The following ARHGAP15 variants were observed in gnomAD, a reference collection of about 807,000 sequenced individuals.
The protein encoded by ARHGAP15 is Rho GTPase activating protein 15, also known as rho GTPase-activating protein 15.
In ARHGAP15, 51 loss-of-function variants were observed where a neutral mutation model predicts 63.7. The observed-to-expected ratio is 0.80, with a 90% CI of 0.64 to 1.01. The LOEUF is 1.01. Among genes scored for constraint, ARHGAP15 ranks in the 50% least tolerant of loss-of-function variants. ARHGAP15 has a pLI of 0.00. For synonymous variants in ARHGAP15, 191 were observed against 193.8 expected (o/e 0.99, Z 0.12); for missense variants, 560 against 564.6 (o/e 0.99, Z 0.08).
chr2:143,705,164 T>C (rs918499178), intron 13 of ARHGAP15, among the ~76,000 whole-genome samples: 1 of 152,208 alleles, frequency 6.6e-6, no homozygotes, highest in Admixed American at 6.6e-5. Context: ...AGTCCATAAC[T>C]TGCTAAACCA....
chr2:143,612,823 C>T lies in ARHGAP15; in HGVS notation c.1004-11310C>T, dbSNP rs1193962309. ...ACAAGTTCCTTGATCTCTGGAGCTG[C>T]TTTTCCATCAGTAAAGTTGAACTAA... On this transcript the variant is annotated intron_variant, in intron 11 of 13. Transcript: ENST00000295095. Among the ~76,000 whole-genome samples, 3 of 152,218 alleles carry T rather than the reference C, an allele frequency of 2.0e-5. No homozygotes were observed. In the East Asian group the frequency reaches 5.8e-4, roughly 29 times the overall value.
intron 11 of ARHGAP15, among the ~76,000 whole-genome samples, chr2:143,605,749 C>T (rs1043499526): frequency 1.3e-5 from 2 of 151,136 alleles, no homozygotes; most frequent in Non-Finnish European, 2.9e-5. Flanking sequence ...CATGGTGGCT[C>T]ATGCCTGTAA....
intron 9 of ARHGAP15, among the ~76,000 whole-genome samples, chr2:143,489,623 A>T (rs1379370085): frequency 2.0e-5 from 3 of 152,052 alleles, no homozygotes; most frequent in South Asian, 4.1e-4. Context: ...ACTTTAATCC[A>T]TTTTTTTCTT....
chr2:143,708,300 A>G (rs1481665549), intron 13 of ARHGAP15, among the ~76,000 whole-genome samples: 13 of 152,224 alleles, frequency 8.5e-5, no homozygotes, highest in Admixed American at 8.5e-4. Flanking sequence ...ATTATATTAC[A>G]TGTATTATTA....
intron 13 of ARHGAP15, among the ~76,000 whole-genome samples, chr2:143,714,285 C>T (rs1684712402): frequency 6.6e-6 from 1 of 152,212 alleles, no homozygotes; most frequent in Non-Finnish European, 1.5e-5. Flanking sequence ...TCTACGTTGG[C>T]CCCTTTCAGC....
At chr2:143,462,632 T>C (rs575342960) in intron 8 of ARHGAP15, among the ~76,000 whole-genome samples, 21 of 152,320 alleles carry the variant, frequency 1.4e-4, no homozygotes, top group South Asian at 8.3e-4. Flanking sequence ...ATCAAAGCCA[T>C]GTGCATTGAG....
rs369122605 is a variant in ARHGAP15, at chr2:143,252,808, C to T, written c.474+2208C>T. Reference sequence around the variant, plus strand: ...TTCTATAGTTCTGTTAACAAAAAAGCGTCGGGAAGGATTTGCCAGAGAGCT... The same window carrying T: ...TTCTATAGTTCTGTTAACAAAAAAGTGTCGGGAAGGATTTGCCAGAGAGCT... On this transcript the variant is annotated intron_variant, in intron 6 of 13. Transcript: ENST00000295095. 1.2e-4 allele frequency among the ~76,000 whole-genome samples: 18 copies of T among 152,062 alleles called. 1 individual carries two copies. The South Asian group carries it at 3.1e-3, about 26-fold the overall frequency.
At position 143,562,111 on chromosome 2, in the gene ARHGAP15, TA is replaced by T. The variant is rs1235166530; in HGVS notation, c.1003+5631del. On this transcript the variant is annotated intron_variant, in intron 11 of 13. Transcript: ENST00000295095. ...TAAACATGCTAAGAATAAGCTCCAT[TA>T]AAAACAAACTATTAGAAAAACAATT... 5.8e-4 allele frequency among the ~76,000 whole-genome samples: 89 copies of T among 152,332 alleles called. 1 individual carries two copies. The highest frequency in any genetic ancestry group is 1.3e-4 in the Non-Finnish European group (9 of 68,024).
At chr2:143,598,287 G>A (rs573945110) in intron 11 of ARHGAP15, among the ~76,000 whole-genome samples, 1 of 152,256 alleles carries the variant, frequency 6.6e-6, no homozygotes, top group South Asian at 2.1e-4. Context: ...TAAAATAAAA[G>A]TCTAGATACG....
At chr2:143,668,401 G>T (rs536542476) in intron 12 of ARHGAP15, among the ~76,000 whole-genome samples, 22 of 151,984 alleles carry the variant, frequency 1.4e-4, no homozygotes, top group Non-Finnish European at 2.1e-4. Context: ...TCTCCCTGGT[G>T]CAAGCTCTGT....
chr2:143,268,892 G>T (rs1574185018), intron 6 of ARHGAP15, among the ~76,000 whole-genome samples: 1 of 152,014 alleles, frequency 6.6e-6, no homozygotes, highest in African/African-American at 2.4e-5. Flanking sequence ...AGAAAACTAT[G>T]CAGTACAATG....
chr2:143,717,840 T>C lies in ARHGAP15; in HGVS notation c.1244+14316T>C, dbSNP rs142119618. Among the ~76,000 whole-genome samples, 819 of 151,494 alleles carry C rather than the reference T, an allele frequency of 5.4e-3. 3 individuals are homozygous for C. Among genetic ancestry groups the C allele is most frequent in the Non-Finnish European group, 7.7e-3 (523 of 67,942 alleles). ...ATAGCACCCGCTCCAGGAAACTGCATTTCTTAAAGTGGCTTTTTTTTTTTT... is the reference window on the plus strand; with the variant it reads ...ATAGCACCCGCTCCAGGAAACTGCACTTCTTAAAGTGGCTTTTTTTTTTTT... On this transcript the variant is annotated intron_variant, in intron 13 of 13. Coordinates refer to ENST00000295095, the MANE Select transcript of ARHGAP15 (RefSeq NM_018460.4).
At chr2:143,466,505 T>C (rs946163327) in intron 8 of ARHGAP15, among the ~76,000 whole-genome samples, 2 of 151,882 alleles carry the variant, frequency 1.3e-5, no homozygotes, top group African/African-American at 4.8e-5. Flanking sequence ...TGGAAAAGAG[T>C]ATTTTACATA....
In ARHGAP15 at chr2:143,252,937, G is replaced by C. The variant is rs138746968; in HGVS notation, c.474+2337G>C. On this transcript the variant is annotated intron_variant, in intron 6 of 13. Coordinates refer to ENST00000295095, the MANE Select transcript of ARHGAP15 (RefSeq NM_018460.4). ...TATGTCTTAAAAACATGGTATTAAG[G>C]CATTGTTGGACGTTGGAGTGTATGT... Among the ~76,000 whole-genome samples the C allele has an allele frequency of 3.2e-4, 49 of 152,112 alleles. No homozygotes were observed. The East Asian group carries it at 9.1e-3, about 28-fold the overall frequency.
chr2:143,660,475 G>C (rs1681702475), intron 12 of ARHGAP15, among the ~76,000 whole-genome samples: 1 of 152,184 alleles, frequency 6.6e-6, no homozygotes, highest in East Asian at 1.9e-4. Context: ...ACCTGTCTAA[G>C]AATCAAAGGG....
At chr2:143,594,450 A>T (rs1451314250) in intron 11 of ARHGAP15, among the ~76,000 whole-genome samples, 1 of 152,136 alleles carries the variant, frequency 6.6e-6, no homozygotes, top group African/African-American at 2.4e-5. Context: ...CCTATTTGGT[A>T]TGGTCTTTTT....
intron 8 of ARHGAP15, among the ~76,000 whole-genome samples, chr2:143,454,831 TAAACTCTA>T (rs1690569977): frequency 1.3e-5 from 2 of 152,182 alleles, no homozygotes; most frequent in South Asian, 4.1e-4. Context: ...AAAGATGACG[TAAACTCTA>T]AAAAGCTGGA....
chr2:143,133,986 A>G (rs1573989284), intron 1 of ARHGAP15, among the ~76,000 whole-genome samples: 1 of 152,196 alleles, frequency 6.6e-6, no homozygotes, highest in Admixed American at 6.5e-5. Context: ...ACAGCTGTAT[A>G]CTATTCCACT....
intron 6 of ARHGAP15, among the ~76,000 whole-genome samples, chr2:143,335,439 G>A (rs1429500489): frequency 1.3e-5 from 2 of 149,526 alleles, no homozygotes; most frequent in Non-Finnish European, 3.0e-5. Flanking sequence ...TCAGCTAAAG[G>A]GTGTCTGTGG....
Sources: allele counts gnomAD v4.1 joint callset (sites outside exome capture counted in the v4.1 genomes callset), GRCh38; gene constraint gnomAD v4.1.1; transcripts MANE v1.5; gene names NCBI Gene and HGNC (gene_info 2026-07-23, HGNC 2026-07-21).